Variants in RAB11A observed in about 807,000 individuals in gnomAD.
RAB11A encodes the protein RAB11A, member RAS oncogene family.
RAB11A carries 9 observed loss-of-function variants against 28.0 expected under a neutral mutation model. That is an observed-to-expected ratio of 0.32 (90% CI 0.19 to 0.56). RAB11A has a LOEUF of 0.56. Among genes scored for constraint, RAB11A ranks in the 20% least tolerant of loss-of-function variants. RAB11A has a pLI of 0.91. For synonymous variants in RAB11A, 85 were observed against 88.2 expected, an observed-to-expected ratio of 0.96 and a Z score of 0.20; for missense variants, 108 against 269.6, an observed-to-expected ratio of 0.40 and a Z score of 4.20.
chr15:65,869,577 G>A lies in RAB11A; in HGVS notation c.-9G>A, dbSNP rs760161314. 1 of 1,610,668 alleles carries A rather than the reference G, an allele frequency of 6.2e-7. No homozygotes were observed. The highest frequency in any genetic ancestry group is 1.1e-5 in the South Asian group (1 of 91,060). On this transcript the variant is annotated 5_prime_UTR_variant, in exon 1 of 5. Transcript: ENST00000261890. ...TGCTGCTCCCGCCCTTTCGCTCCTCGGCCGCGCAATGGGCACCCGCGACGA... is the reference window on the plus strand; with the variant it reads ...TGCTGCTCCCGCCCTTTCGCTCCTCAGCCGCGCAATGGGCACCCGCGACGA...
chr15:65,879,502 AAAGT>A (rs757776133), intron 3 of RAB11A, among the ~76,000 whole-genome samples, 165 bp from the exon 4 acceptor site: 2 of 152,222 alleles, frequency 1.3e-5, no homozygotes, highest in Non-Finnish European at 2.9e-5. Context: ...AGAAGTAAAT[AAAGT>A]AAGTAAATAA....
At chr15:65,874,859 C>A (rs976027464) in intron 1 of RAB11A, among the ~76,000 whole-genome samples, 1 of 151,984 alleles carries the variant, frequency 6.6e-6, no homozygotes, top group Non-Finnish European at 1.5e-5. Flanking sequence ...CCAGCCTGGG[C>A]AACATGGCAA....
At chr15:65,872,589 C>T (rs2078168980) in intron 1 of RAB11A, among the ~76,000 whole-genome samples, 1 of 151,948 alleles carries the variant, frequency 6.6e-6, no homozygotes, top group Non-Finnish European at 1.5e-5. Flanking sequence ...CATGGACCAC[C>T]ACACCCGGCT....
intron 4 of RAB11A, among the ~76,000 whole-genome samples, chr15:65,885,783 A>G (rs2141108984): frequency 6.6e-6 from 1 of 152,358 alleles, no homozygotes; most frequent in Admixed American, 6.5e-5. Flanking sequence ...GGCATACGAA[A>G]TTTATTAACA....
chr15:65,874,510 G>T (rs1389278744), intron 1 of RAB11A, among the ~76,000 whole-genome samples: 2 of 151,942 alleles, frequency 1.3e-5, no homozygotes, highest in Non-Finnish European at 2.9e-5. Context: ...CAAAGTGCTG[G>T]GATTACAGGT....
chr15:65,883,215 T>TA (rs1346177624), intron 4 of RAB11A, among the ~76,000 whole-genome samples: 5 of 152,236 alleles, frequency 3.3e-5, no homozygotes, highest in African/African-American at 1.2e-4. Flanking sequence ...ATAATACCCT[T>TA]ATTAGCCAAA....
chr15:65,876,291 G>GTATTT (rs1032704589), intron 1 of RAB11A, among the ~76,000 whole-genome samples: 2 of 151,918 alleles, frequency 1.3e-5, no homozygotes, highest in Non-Finnish European at 2.9e-5. Context: ...TTGCTTTGTT[G>GTATTT]TATTTTATTT....
intron 1 of RAB11A, among the ~76,000 whole-genome samples, chr15:65,875,434 G>A (rs2078186313): frequency 6.6e-6 from 1 of 152,092 alleles, no homozygotes; most frequent in African/African-American, 2.4e-5. Context: ...CCAGAATGGT[G>A]GACCTTGGAA....
In RAB11A at chr15:65,880,545, A is replaced by G. The variant is rs571509165; in HGVS notation, c.511+794A>G. ...TACGTGGCATTGTTCTAAAAAGTCTATACAGAGATATGATTGAGTTTCCAA... is the reference window on the plus strand; with the variant it reads ...TACGTGGCATTGTTCTAAAAAGTCTGTACAGAGATATGATTGAGTTTCCAA... On this transcript the variant is annotated intron_variant, in intron 4 of 4. Transcript: ENST00000261890. 5.9e-5 allele frequency among the ~76,000 whole-genome samples: 9 copies of G among 152,366 alleles called. No individual in the cohort carries two copies. In the South Asian group the frequency reaches 6.2e-4, roughly 11 times the overall value.
chr15:65,885,372 C>T (rs1025119392), intron 4 of RAB11A, among the ~76,000 whole-genome samples: 6 of 152,010 alleles, frequency 3.9e-5, no homozygotes, highest in Admixed American at 6.6e-5. Context: ...GTGATCCGCC[C>T]GCCTTGGACT....
intron 3 of RAB11A, 117 bp from the exon 4 acceptor site, chr15:65,879,554 A>C: frequency 1.5e-6 from 1 of 661,418 alleles, no homozygotes; most frequent in Non-Finnish European, 2.6e-6. Context: ...ACTGTCCCAG[A>C]AGTTGAGGAG....
chr15:65,885,406 G>A (rs989428462), intron 4 of RAB11A, among the ~76,000 whole-genome samples: 11 of 152,064 alleles, frequency 7.2e-5, no homozygotes, highest in African/African-American at 2.4e-4. Context: ...GATTACAGGC[G>A]TGAGCCACCT....
Position 65,869,690 on chromosome 15 carries a change from A to G in RAB11A, c.40+65A>G. On this transcript the variant is annotated intron_variant, in intron 1 of 4. Coordinates refer to ENST00000261890, the MANE Select transcript of RAB11A (RefSeq NM_004663.5). ...CGGGGACCCGGGCCACTCCCGGTGG[A>G]CCCTCGTGCCGGCCACCCCTGCACT... The G allele has an allele frequency of 3.9e-6, 6 of 1,543,596 alleles. 1 individual carries two copies. In the South Asian group the frequency reaches 5.6e-5, roughly 14 times the overall value.
chr15:65,882,292 G>A (rs928985140), intron 4 of RAB11A, among the ~76,000 whole-genome samples: 8 of 152,224 alleles, frequency 5.3e-5, no homozygotes, highest in African/African-American at 1.4e-4. Context: ...GTGTTAGGAT[G>A]TTTGTTCTAA....
chr15:65,879,154 A>G (rs2078206285), intron 3 of RAB11A, among the ~76,000 whole-genome samples: 1 of 152,018 alleles, frequency 6.6e-6, no homozygotes, highest in African/African-American at 2.4e-5. Context: ...CACCACGCTC[A>G]GCTAATTTTT....
At chr15:65,884,893 C>G (rs1420216673) in intron 4 of RAB11A, among the ~76,000 whole-genome samples, 1 of 151,356 alleles carries the variant, frequency 6.6e-6, no homozygotes, top group Non-Finnish European at 1.5e-5. Flanking sequence ...AGATCTATTT[C>G]CTTCTTTCAA....
intron 4 of RAB11A, among the ~76,000 whole-genome samples, chr15:65,880,111 T>C (rs2078213362): frequency 6.6e-6 from 1 of 152,208 alleles, no homozygotes; most frequent in African/African-American, 2.4e-5. Context: ...CTTTTTTAAA[T>C]TTAGTAAAGG....
intron 1 of RAB11A, among the ~76,000 whole-genome samples, chr15:65,873,212 G>A (rs550812567): frequency 4.7e-4 from 72 of 152,106 alleles, no homozygotes; most frequent in African/African-American, 1.7e-3. Context: ...AAGTATTTAC[G>A]AACAATGTGG....
At chr15:65,879,178 T>C (rs543576284) in intron 3 of RAB11A, among the ~76,000 whole-genome samples, 1 of 152,164 alleles carries the variant, frequency 6.6e-6, no homozygotes, top group East Asian at 1.9e-4. Context: ...ATTCTTTATA[T>C]AGAGAGAGCA....
Sources: gnomAD v4.1 joint callset for allele counts (sites outside exome capture counted in the v4.1 genomes callset) on GRCh38, gnomAD v4.1.1 for gene constraint, MANE v1.5 for transcripts, NCBI Gene and HGNC (gene_info 2026-07-23, HGNC 2026-07-21) for gene names.